PTPRN2: variants seen among roughly 807,000 people sequenced by gnomAD.
PTPRN2 encodes receptor-type tyrosine-protein phosphatase N2.
A neutral mutation model predicts 118.8 loss-of-function variants in PTPRN2; 74 were observed. That is an observed-to-expected ratio of 0.62 (90% CI 0.52 to 0.76). The LOEUF is 0.76. PTPRN2 is among the 30% of genes least tolerant of loss of function. The pLI is 0.00. For missense variants in PTPRN2, 1,481 were observed against 1,394.4 expected (o/e 1.06, Z -0.99); for synonymous variants, 641 against 608.0 (o/e 1.05, Z -0.80).
chr7:157,852,863 C>CA (rs58298308), intron 12 of PTPRN2, among the ~76,000 whole-genome samples: 1,481 of 102,608 alleles, frequency 0.014, 43 homozygotes, highest in African/African-American at 0.038. Context: ...GCAAGTCTCT[C>CA]AAAAAAAAAA....
At chr7:158,523,050 C>T (rs922763211) in intron 1 of PTPRN2, among the ~76,000 whole-genome samples, 1 of 152,182 alleles carries the variant, frequency 6.6e-6, no homozygotes, top group African/African-American at 2.4e-5. Context: ...GTCAGCATCA[C>T]CGTGGCTGCT....
rs758235878 is a variant in PTPRN2, at chr7:157,682,807, C to G, written c.1919G>C (p.Arg640Pro). The G allele has an allele frequency of 6.2e-7, 1 of 1,614,104 alleles. No homozygotes were observed. Among genetic ancestry groups the G allele is most frequent in the South Asian group, 1.1e-5 (1 of 91,090 alleles). The part of the protein sequence containing the change: ...LLASGLIYCL[R>P]HSSQHRLKEK... Reference sequence around the variant, plus strand: ...CTTCAGCCTGTGCTGAGAGCTATGGCGGAGGCAGTAGATGAGGCCAGAGGC... The same window carrying G: ...CTTCAGCCTGTGCTGAGAGCTATGGGGGAGGCAGTAGATGAGGCCAGAGGC... The change falls in exon 13 of 23, where the codon CGC becomes CCC. Residue 640 changes from arginine to proline, a missense_variant. Physicochemically the swap from Arg to Pro is moderately radical, Grantham distance 103. Around this residue, in one of 3 missense-constraint regions of PTPRN2, gnomAD observed 1,115 missense variants for 994.2 expected, o/e 1.12. Coordinates refer to ENST00000389418, the MANE Select transcript of PTPRN2 (RefSeq NM_002847.5).
chr7:158,278,873 T>C (rs1016703885), intron 3 of PTPRN2, among the ~76,000 whole-genome samples: 5 of 151,884 alleles, frequency 3.3e-5, no homozygotes, highest in African/African-American at 9.7e-5. Flanking sequence ...GCTTCAAGAG[T>C]GAAGCTGAAG....
intron 10 of PTPRN2, among the ~76,000 whole-genome samples, chr7:158,108,732 C>T (rs1815904863): frequency 6.6e-6 from 1 of 152,222 alleles, no homozygotes; most frequent in Non-Finnish European, 1.5e-5. Flanking sequence ...ATGCATGTCC[C>T]CTAGTGCCCT....
intron 12 of PTPRN2, among the ~76,000 whole-genome samples, chr7:157,697,656 G>A (rs1434754394): frequency 5.5e-5 from 7 of 127,966 alleles, no homozygotes; most frequent in Non-Finnish European, 9.8e-5. Flanking sequence ...ACTGGATCTC[G>A]GCAGAGCCCT....
At chr7:157,641,164 A>G (rs540860450) in intron 14 of PTPRN2, among the ~76,000 whole-genome samples, 4 of 152,200 alleles carry the variant, frequency 2.6e-5, no homozygotes, top group African/African-American at 4.8e-5. Context: ...AGAAATGTGA[A>G]CTCCAGATAT....
At position 158,395,724 on chromosome 7, in the gene PTPRN2, CGAGGGGAGAGGGGAGAGGGGCGAGGGGT is replaced by C. The variant is rs1563240895; in HGVS notation, c.164-78820_164-78793del. On this transcript the variant is annotated intron_variant, in intron 2 of 22. Coordinates refer to ENST00000389418, the MANE Select transcript of PTPRN2 (RefSeq NM_002847.5). ...GGGGCGAGGGGCGAGGGGCGAGGCG[CGAGGGGAGAGGGGAGAGGGGCGAGGGGT>C]GAGGCGCGAGGGGCGAGGGGTGAGG... 4.5e-4 allele frequency among the ~76,000 whole-genome samples: 21 copies of C among 46,722 alleles called. 2 individuals are homozygous for C. The highest frequency in any genetic ancestry group is 1.1e-3 in the African/African-American group (11 of 9,574). The allele number at this position is 46,722 out of a possible 152,430, so 30.7% of individuals were successfully genotyped here.
intron 13 of PTPRN2, among the ~76,000 whole-genome samples, chr7:157,658,128 C>T (rs1380715058): frequency 2.6e-5 from 4 of 152,216 alleles, no homozygotes; most frequent in Non-Finnish European, 4.4e-5. Context: ...TCTGGGATAA[C>T]GCCACAGTAG....
intron 2 of PTPRN2, among the ~76,000 whole-genome samples, chr7:158,436,037 A>T (rs1816552163): frequency 6.6e-6 from 1 of 152,232 alleles, no homozygotes; most frequent in Non-Finnish European, 1.5e-5. Flanking sequence ...TGTGCCATGC[A>T]CTTAAAATGT....
intron 12 of PTPRN2, among the ~76,000 whole-genome samples, chr7:157,792,874 G>A (rs1804605916): frequency 6.6e-6 from 1 of 152,188 alleles, no homozygotes; most frequent in African/African-American, 2.4e-5. Flanking sequence ...GATGGGCACT[G>A]CGCTTCAACT....
At chr7:158,290,844 C>T (rs1223091343) in intron 3 of PTPRN2, among the ~76,000 whole-genome samples, 1 of 152,176 alleles carries the variant, frequency 6.6e-6, no homozygotes, top group East Asian at 1.9e-4. Flanking sequence ...GATAGATGTT[C>T]AAATTGTTGT....
rs1382460488 is a variant in PTPRN2, at chr7:157,784,361, C to T, written c.1789-101424G>A. Among the ~76,000 whole-genome samples the T allele has an allele frequency of 2.6e-5, 4 of 152,076 alleles. No individual in the cohort carries two copies. Among genetic ancestry groups the T allele is most frequent in the East Asian group, 1.9e-4 (1 of 5,176 alleles). ...TTCAGCAGCCCCTCGAACCTTCACCCGGGGCTCGTTTGCTGCTTCACACTG... is the reference window on the plus strand; with the variant it reads ...TTCAGCAGCCCCTCGAACCTTCACCTGGGGCTCGTTTGCTGCTTCACACTG... On this transcript the variant is annotated intron_variant, in intron 12 of 22. Coordinates refer to ENST00000389418, the MANE Select transcript of PTPRN2 (RefSeq NM_002847.5). This position sits in a 1 kb window ranked among gnomAD's most constrained non-coding sequence, Gnocchi z 4.6.
intron 9 of PTPRN2, among the ~76,000 whole-genome samples, chr7:158,125,124 G>A (rs1369389558): frequency 1.3e-5 from 2 of 152,142 alleles, no homozygotes; most frequent in African/African-American, 4.8e-5. Flanking sequence ...CATGGCTCAG[G>A]CCCAACCATG....
At chr7:158,156,323 T>G (rs1160816822) in intron 6 of PTPRN2, among the ~76,000 whole-genome samples, 1 of 152,224 alleles carries the variant, frequency 6.6e-6, no homozygotes, top group African/African-American at 2.4e-5. Context: ...GGCAGTCAAA[T>G]GGCTTTCTAA....
At chr7:158,356,827 C>G (rs1034565517) in intron 2 of PTPRN2, among the ~76,000 whole-genome samples, 1 of 151,924 alleles carries the variant, frequency 6.6e-6, no homozygotes, top group Non-Finnish European at 1.5e-5. Flanking sequence ...TAAATTTTCT[C>G]TTAGCTTTTC....
At chr7:158,270,819 CCCCTCCACCTGGATG>C (rs1798334667) in intron 3 of PTPRN2, among the ~76,000 whole-genome samples, 1,907 of 19,292 alleles carry the variant, frequency 0.099, 227 homozygotes, top group Middle Eastern at 0.15. Context: ...CCTGGACCGC[CCCCTCCACCTGGATG>C]ACCCCCTCAC....
chr7:158,263,419 CACAT>C (rs1208177880), intron 3 of PTPRN2, among the ~76,000 whole-genome samples: 4 of 126,468 alleles, frequency 3.2e-5, no homozygotes, highest in Admixed American at 7.3e-5. Context: ...AATGCACAAA[CACAT>C]GCACACACAC....
At chr7:158,401,932 C>G (rs1263594864) in intron 2 of PTPRN2, among the ~76,000 whole-genome samples, 2 of 152,178 alleles carry the variant, frequency 1.3e-5, no homozygotes, top group Admixed American at 1.3e-4. Context: ...TCTCTCCATC[C>G]AGACCGCCAG....
At chr7:157,747,662 C>T (rs368120973) in intron 12 of PTPRN2, among the ~76,000 whole-genome samples, 3 of 111,838 alleles carry the variant, frequency 2.7e-5, no homozygotes, top group Admixed American at 1.0e-4. Context: ...GGCCTGCGTC[C>T]CTGAGCTGTG....
Sources: allele counts gnomAD v4.1 joint callset (sites outside exome capture counted in the v4.1 genomes callset), GRCh38; gene constraint gnomAD v4.1.1; regional missense constraint gnomAD v4.1.1; non-coding constraint Gnocchi (gnomAD v3.1); transcripts MANE v1.5; gene names NCBI Gene and HGNC (gene_info 2026-07-23, HGNC 2026-07-21).